Variants in COL5A1 observed in about 807,000 individuals in gnomAD.
COL5A1 encodes the protein collagen alpha-1(V) chain.
COL5A1 carries 16 observed loss-of-function variants against 263.7 expected under a neutral mutation model. The observed-to-expected ratio is 0.06, with a 90% CI of 0.04 to 0.09. The LOEUF (loss-of-function observed/expected upper bound fraction) is 0.09, where lower values mean the gene tolerates loss of function less well. COL5A1 is among the 10% of genes least tolerant of loss of function. COL5A1 has a pLI of 1.00. For synonymous variants in COL5A1, 1,012 were observed against 1,004.5 expected, an observed-to-expected ratio of 1.01 and a Z score of -0.14; for missense variants, 2,036 against 2,540.5, an observed-to-expected ratio of 0.80 and a Z score of 4.27.
chr9:134,838,984 A>G (rs1232943367), intron 65 of COL5A1, among the ~76,000 whole-genome samples: 1 of 152,210 alleles, frequency 6.6e-6, no homozygotes, highest in Non-Finnish European at 1.5e-5. Context: ...CCACAATTTG[A>G]AAAGTCACAA....
At chr9:134,663,769 A>G (rs565921221) in intron 1 of COL5A1, among the ~76,000 whole-genome samples, 2 of 152,352 alleles carry the variant, frequency 1.3e-5, no homozygotes, top group Admixed American at 1.3e-4. Flanking sequence ...GTCATGCCAC[A>G]TTAGAGTGCA....
At chr9:134,806,064 C>T in intron 41 of COL5A1, 125 bp from the exon 42 acceptor site, 2 of 738,142 alleles carry the variant, frequency 2.7e-6, no homozygotes. Flanking sequence ...TTGCAAAGGG[C>T]CATAGGGAGC....
chr9:134,697,435 A>T (rs547035937), intron 2 of COL5A1, among the ~76,000 whole-genome samples: 4 of 152,306 alleles, frequency 2.6e-5, no homozygotes, highest in Non-Finnish European at 4.4e-5. Flanking sequence ...CTTGTGCCGG[A>T]GACATGAGTG....
rs551088137 is a variant in COL5A1, at chr9:134,816,645, A to G, written c.4123-381A>G. On this transcript the variant is annotated intron_variant, in intron 52 of 65. Transcript: ENST00000371817. ...GCCTCGGGCTGGATTTCCCTGACAG[A>G]CACCCCCAGTCCACCACTTCCCGGC... Among the ~76,000 whole-genome samples the G allele has an allele frequency of 2.0e-5, 3 of 152,334 alleles. No individual in the cohort carries two copies. The South Asian group carries it at 6.2e-4, about 32-fold the overall frequency.
chr9:134,730,004 C>T (rs1410107375), intron 6 of COL5A1, among the ~76,000 whole-genome samples: 3 of 152,188 alleles, frequency 2.0e-5, no homozygotes, highest in South Asian at 2.1e-4. Flanking sequence ...ATTCTGAGCA[C>T]GCTTAGTAAC....
intron 1 of COL5A1, among the ~76,000 whole-genome samples, chr9:134,679,880 G>A (rs1344436428): frequency 6.6e-6 from 1 of 152,008 alleles, no homozygotes; most frequent in South Asian, 2.1e-4. Context: ...ATAATGACAG[G>A]CAGCCTCTGG....
chr9:134,654,268 T>C, intron 1 of COL5A1, among the ~76,000 whole-genome samples: 1 of 108,612 alleles, frequency 9.2e-6, no homozygotes, highest in African/African-American at 3.8e-5. Context: ...GCTGTAGGTG[T>C]GTAGGGCTGG....
chr9:134,650,824 A>C (rs1390335372), intron 1 of COL5A1, among the ~76,000 whole-genome samples: 1 of 152,180 alleles, frequency 6.6e-6, no homozygotes, highest in Non-Finnish European at 1.5e-5. Context: ...TCCCGTCAGC[A>C]CCTGTGATCC....
At chr9:134,711,206 A>G (rs935569101) in intron 4 of COL5A1, among the ~76,000 whole-genome samples, 1 of 152,056 alleles carries the variant, frequency 6.6e-6, no homozygotes, top group Non-Finnish European at 1.5e-5. Context: ...CTCGGAGGCC[A>G]GGTTGGCTCT....
At chr9:134,726,378 A>ATACCC in intron 4 of COL5A1, among the ~76,000 whole-genome samples, 1 of 151,960 alleles carries the variant, frequency 6.6e-6, no homozygotes, top group East Asian at 1.9e-4. Context: ...GGATGGATAG[A>ATACCC]TAGATGGATG....
At chr9:134,655,167 A>C (rs1339143518) in intron 1 of COL5A1, among the ~76,000 whole-genome samples, 2 of 142,228 alleles carry the variant, frequency 1.4e-5, no homozygotes, top group African/African-American at 5.3e-5. Flanking sequence ...TGGTGTGTGT[A>C]TAAGGCAGGG....
chr9:134,675,698 C>G (rs1832666434), intron 1 of COL5A1, among the ~76,000 whole-genome samples: 1 of 152,196 alleles, frequency 6.6e-6, no homozygotes, highest in Non-Finnish European at 1.5e-5. Flanking sequence ...CTGGGGGATC[C>G]ATTTCTAGAT....
intron 11 of COL5A1, among the ~76,000 whole-genome samples, chr9:134,744,555 A>T (rs758769854): frequency 2.6e-5 from 4 of 151,070 alleles, no homozygotes; most frequent in Non-Finnish European, 5.9e-5. Flanking sequence ...ACATGCACAC[A>T]CATCCACATA....
chr9:134,746,978 C>T (rs1297703927), intron 11 of COL5A1, among the ~76,000 whole-genome samples: 2 of 152,202 alleles, frequency 1.3e-5, no homozygotes, highest in East Asian at 3.8e-4. Flanking sequence ...GTAGCCGTGT[C>T]TTTCAGCCCA....
At chr9:134,827,661 C>A (rs77251208) in intron 63 of COL5A1, among the ~76,000 whole-genome samples, 2,086 of 152,288 alleles carry the variant, frequency 0.014, 24 homozygotes, top group Non-Finnish European at 0.018. Flanking sequence ...GCTGAGCGAC[C>A]CCAGGCTCCC....
At chr9:134,656,184 G>A (rs1831964656) in intron 1 of COL5A1, among the ~76,000 whole-genome samples, 1 of 152,180 alleles carries the variant, frequency 6.6e-6, no homozygotes, top group African/African-American at 2.4e-5. Context: ...CCTGGGGCCT[G>A]CGGCTCCTCG....
At chr9:134,724,817 G>A (rs1240479034) in intron 4 of COL5A1, among the ~76,000 whole-genome samples, 1 of 152,150 alleles carries the variant, frequency 6.6e-6, no homozygotes, top group Non-Finnish European at 1.5e-5. Context: ...GCCTCGGCGG[G>A]GGAGGTGGTG....
rs562724534 is a variant in COL5A1 at position 134,682,389 on chromosome 9, G to A, written c.110-8523G>A. ...AGCGGGCATGGGGAGGGGACTGTGC[G>A]GGTGAACATGGGGCAGAGAGATCGG... is the stretch of plus-strand genomic sequence containing the variant. On this transcript the variant is annotated intron_variant, in intron 1 of 65. Coordinates refer to ENST00000371817, the MANE Select transcript of COL5A1 (RefSeq NM_000093.5). This position sits in a 1 kb window ranked among gnomAD's most constrained non-coding sequence, Gnocchi z 5.1. 7.9e-5 allele frequency among the ~76,000 whole-genome samples: 12 copies of A among 152,202 alleles called. No homozygotes were observed. Among genetic ancestry groups the A allele is most frequent in the Non-Finnish European group, 1.2e-4 (8 of 68,022 alleles).
At position 134,760,491 on chromosome 9, in the gene COL5A1, A is replaced by AC. The variant is rs1485390489; in HGVS notation, c.1936-1432dup. 9.7e-5 allele frequency among the ~76,000 whole-genome samples: 9 copies of AC among 92,520 alleles called. No homozygotes were observed. In the South Asian group the frequency reaches 2.5e-3, roughly 26 times the overall value. 60.7% of individuals were successfully genotyped at this position (92,520 alleles called of 152,430 possible). A position where few individuals can be genotyped will look rare whatever the true frequency, so the allele number is the denominator to read the frequency against. On this transcript the variant is annotated intron_variant, in intron 18 of 65. Coordinates refer to ENST00000371817, the MANE Select transcript of COL5A1 (RefSeq NM_000093.5). ...CACATTCATACACACATGCACACAC[A>AC]CCACACATGCACACACGCATACACA...
Sources: gnomAD v4.1 joint callset for allele counts (sites outside exome capture counted in the v4.1 genomes callset) on GRCh38, gnomAD v4.1.1 for gene constraint, Gnocchi (gnomAD v3.1) non-coding constraint, MANE v1.5 for transcripts, NCBI Gene and HGNC (gene_info 2026-07-23, HGNC 2026-07-21) for gene names.